HSPA4: variants seen among roughly 807,000 people sequenced by gnomAD.
The protein encoded by HSPA4 is heat shock protein family A (Hsp70) member 4.
A neutral mutation model predicts 106.2 loss-of-function variants in HSPA4; 25 were observed. The observed-to-expected ratio is 0.24, with a 90% CI of 0.17 to 0.33. The LOEUF (loss-of-function observed/expected upper bound fraction) is 0.33. Ranked by LOEUF, HSPA4 falls within the 10% of genes least tolerant of loss-of-function variation. HSPA4 has a pLI of 1.00. For synonymous variants in HSPA4, 332 were observed against 333.6 expected, an observed-to-expected ratio of 1.00 and a Z score of 0.05; for missense variants, 841 against 996.0, an observed-to-expected ratio of 0.84 and a Z score of 2.10.
At chr5:133,091,628 G>C (rs1765648735) in intron 12 of HSPA4, among the ~76,000 whole-genome samples, 1 of 152,152 alleles carries the variant, frequency 6.6e-6, no homozygotes, top group South Asian at 2.1e-4. Context: ...TCCTGATTCT[G>C]GTTGTTGAAG....
intron 13 of HSPA4, among the ~76,000 whole-genome samples, chr5:133,094,629 C>T (rs550646261): frequency 2.0e-5 from 3 of 152,114 alleles, no homozygotes; most frequent in Non-Finnish European, 2.9e-5. Context: ...GGAGAAGTGA[C>T]GGCTGCTTCC....
intron 1 of HSPA4, among the ~76,000 whole-genome samples, chr5:133,059,807 A>AC (rs1765216113): frequency 6.6e-6 from 1 of 152,184 alleles, no homozygotes; most frequent in Admixed American, 6.5e-5. Context: ...ACCACCTGGC[A>AC]CCAGAAGGCT....
At chr5:133,072,392 G>GTTTTTTTTTTTTTTTTTT (rs748459297) in intron 4 of HSPA4, among the ~76,000 whole-genome samples, 1 of 75,726 alleles carries the variant, frequency 1.3e-5, no homozygotes, top group Non-Finnish European at 2.4e-5. Flanking sequence ...GTCCAGGGTT[G>GTTTTTTTTTTTTTTTTTT]TTTTTTTTTT....
At chr5:133,096,996 A>C (rs1765720783) in intron 14 of HSPA4, among the ~76,000 whole-genome samples, 165 bp from the exon 15 acceptor site, 1 of 152,156 alleles carries the variant, frequency 6.6e-6, no homozygotes, top group East Asian at 1.9e-4. Context: ...TCTTTTTGAT[A>C]TTCAAAGTCT....
At chr5:133,062,201 A>C (rs1765253600) in intron 1 of HSPA4, among the ~76,000 whole-genome samples, 1 of 152,172 alleles carries the variant, frequency 6.6e-6, no homozygotes, top group Non-Finnish European at 1.5e-5. Context: ...TTTGTTTGGA[A>C]GGTAATTAGA....
chr5:133,075,013 G>T (rs1167408566), intron 6 of HSPA4, among the ~76,000 whole-genome samples: 1 of 152,138 alleles, frequency 6.6e-6, no homozygotes, highest in Non-Finnish European at 1.5e-5. Context: ...GGTGGAGAGG[G>T]ATTACCCCAA....
In HSPA4 at chr5:133,099,637, G is replaced by A; in HGVS notation, c.2022G>A (p.Lys674=). ...AGCCAAAGCAAGTTTATGTTGATAA[G>A]TTGGCTGAATTAAAAGTAAGTGACT... is the stretch of plus-strand genomic sequence containing the variant. ...EDQPKQVYVD[K]LAELKNLGQP... Residue 674 remains lysine (K), a synonymous_variant, in exon 16 of 19, where the codon AAG becomes AAA. Transcript: ENST00000304858. The A allele has an allele frequency of 6.3e-7, 1 of 1,589,736 alleles. No individual in the cohort carries two copies. Among genetic ancestry groups the A allele is most frequent in the Non-Finnish European group, 8.6e-7 (1 of 1,159,984 alleles).
At chr5:133,070,015 A>G (rs1765360706) in intron 3 of HSPA4, among the ~76,000 whole-genome samples, 1 of 152,072 alleles carries the variant, frequency 6.6e-6, no homozygotes, top group Non-Finnish European at 1.5e-5. Flanking sequence ...AGAAAAAAAT[A>G]AATTAGCTAG....
At chr5:133,076,598 A>G (rs1765448500) in intron 6 of HSPA4, 56 bp from the exon 7 acceptor site, 1 of 1,491,556 alleles carries the variant, frequency 6.7e-7, no homozygotes, top group African/African-American at 1.4e-5. Context: ...AATATATATC[A>G]TCTGTTTCAA....
chr5:133,088,277 G>A (rs7730747), intron 8 of HSPA4, 127 bp from the exon 9 acceptor site: 48,911 of 651,738 alleles, frequency 0.075, 6,333 homozygotes, highest in African/African-American at 0.4. Context: ...GCATGAGTAT[G>A]TGTGTGTTGC....
At chr5:133,086,937 G>A in intron 8 of HSPA4, 79 bp downstream of exon 8, 1 of 1,148,998 alleles carries the variant, frequency 8.7e-7, no homozygotes, top group Non-Finnish European at 1.3e-6. Flanking sequence ...ACTTTTGCAA[G>A]CAGTGATAGA....
intron 4 of HSPA4, among the ~76,000 whole-genome samples, chr5:133,072,660 G>GC (rs1183793488): frequency 6.6e-6 from 1 of 151,526 alleles, no homozygotes; most frequent in African/African-American, 2.4e-5. Context: ...ACCCACCACG[G>GC]CCCCCCAAAG....
At position 133,088,493 on chromosome 5, in the gene HSPA4, G is replaced by A. The variant is rs1581476996; in HGVS notation, c.1075G>A (p.Gly359Ser). Residue 359 changes from glycine (G) to serine (S), a missense_variant, in exon 9 of 19, where the codon GGT becomes AGT. Transcript: ENST00000304858. ...AVKEKISKFF[G>S]KELSTTLNAD... is the part of the protein sequence containing the mutation. ...AAAAGAGAAGATCAGCAAATTTTTC[G>A]GTAAAGAACTTAGTACAACATTAAA... is the stretch of plus-strand genomic sequence containing the variant. 21 of 1,613,760 alleles carry A rather than the reference G, an allele frequency of 1.3e-5. No individual in the cohort carries two copies. In the East Asian group the frequency reaches 3.8e-4, roughly 29 times the overall value.
Position 133,070,413 on chromosome 5 carries a change from C to G in HSPA4, c.346C>G (p.Gln116Glu), listed in dbSNP as rs759914007. Residue 116 changes from glutamine to glutamate, a missense_variant, in exon 4 of 19, where the codon CAA becomes GAA. Gln to Glu is a conservative substitution (Grantham distance 29, BLOSUM62 2). Around this residue, in one of 5 missense-constraint regions of HSPA4, gnomAD observed 347 missense variants for 408.7 expected, o/e 0.85. Transcript: ENST00000304858. ...MEEERNFTTE[Q>E]VTAMLLSKLK... ...GGAAGAGCGAAATTTTACCACTGAG[C>G]AAGTGACTGCCATGCTTTTGTCCAA... is the stretch of plus-strand genomic sequence containing the variant. The G allele has an allele frequency of 6.2e-7, 1 of 1,610,608 alleles. No individual in the cohort carries two copies. The highest frequency in any genetic ancestry group is 8.5e-7 in the Non-Finnish European group (1 of 1,179,112).
chr5:133,089,165 T>A lies in HSPA4; in HGVS notation c.1244+4T>A. On this transcript the variant is annotated splice_donor_region_variant and intron_variant, in intron 10 of 18. Transcript: ENST00000304858. ...CTCCAGCTGAAGAAGGGTCAAGGTA[T>A]CATGTTTATTAATCATTTACATATC... 3 of 1,472,860 alleles carry A rather than the reference T, an allele frequency of 2.0e-6. No individual in the cohort carries two copies. The highest frequency in any genetic ancestry group is 2.8e-6 in the Non-Finnish European group (3 of 1,067,662). 91.2% of individuals were successfully genotyped at this position (1,472,860 alleles called of 1,614,324 possible). A position where few individuals can be genotyped will look rare whatever the true frequency, so the allele number is the denominator to read the frequency against.
intron 1 of HSPA4, among the ~76,000 whole-genome samples, chr5:133,055,280 A>G (rs1370533064): frequency 6.7e-6 from 1 of 148,354 alleles, no homozygotes; most frequent in Non-Finnish European, 1.5e-5. Flanking sequence ...GTCTTGGGCT[A>G]AATAGAAAAT....
rs1305931976 is a variant in HSPA4, at chr5:133,097,929, T to G, written c.1929+643T>G. 1.2e-4 allele frequency among the ~76,000 whole-genome samples: 18 copies of G among 151,168 alleles called. No homozygotes were observed. The East Asian group carries it at 3.5e-3, about 29-fold the overall frequency. On this transcript the variant is annotated intron_variant, in intron 15 of 18. Transcript: ENST00000304858. ...ATTTTTAGTTTTTTTTTTTTTTTAA[T>G]TTGAATAGCTCTTGGGTACAGGTGG...
intron 12 of HSPA4, among the ~76,000 whole-genome samples, 166 bp from the exon 13 acceptor site, chr5:133,092,534 G>A (rs112398966): frequency 1.1e-4 from 17 of 152,222 alleles, no homozygotes; most frequent in African/African-American, 4.1e-4. Flanking sequence ...GATCCAGAGC[G>A]GAAAACTTCT....
In HSPA4 at chr5:133,105,158, G is replaced by T. The variant is rs1055887232; in HGVS notation, c.*722G>T. The T allele has an allele frequency of 6.6e-6, 1 of 152,204 alleles. No individual in the cohort carries two copies. 9.4% of individuals were successfully genotyped at this position (152,204 alleles called of 1,614,324 possible). On this transcript the variant is annotated 3_prime_UTR_variant, in exon 19 of 19. Coordinates refer to ENST00000304858, the MANE Select transcript of HSPA4 (RefSeq NM_002154.4). ...ATCAAGGTCTAAATAATTTTCAGAA[G>T]ATTAGAATTGGGTAGATATACTGTT...
Sources: gnomAD v4.1 joint callset for allele counts (sites outside exome capture counted in the v4.1 genomes callset) on GRCh38, gnomAD v4.1.1 for gene constraint, gnomAD v4.1.1 regional missense constraint, MANE v1.5 for transcripts, NCBI Gene and HGNC (gene_info 2026-07-23, HGNC 2026-07-21) for gene names.